DENND4A: variants seen among roughly 807,000 people sequenced by gnomAD.
DENND4A encodes DENN domain containing 4A, also known as C-myc promoter-binding protein.
DENND4A carries 70 observed loss-of-function variants against 199.3 expected under a neutral mutation model. The ratio of observed to expected loss-of-function variants is 0.35; its 90% CI spans 0.29 to 0.43. DENND4A has a LOEUF of 0.43. Among genes scored for constraint, DENND4A ranks in the 20% least tolerant of loss-of-function variants. The pLI is 1.00. For synonymous variants in DENND4A, 686 were observed against 766.9 expected (o/e 0.89, Z 1.74); for missense variants, 1,723 against 2,255.8 (o/e 0.76, Z 4.78).
intron 4 of DENND4A, among the ~76,000 whole-genome samples, chr15:65,745,899 C>G (rs904667073): frequency 6.6e-6 from 1 of 151,684 alleles, no homozygotes; most frequent in Non-Finnish European, 1.5e-5. Flanking sequence ...TTTGGAAGGC[C>G]GAGGTGGGCG....
At chr15:65,674,632 C>T (rs1368144478) in intron 24 of DENND4A, among the ~76,000 whole-genome samples, 1 of 151,686 alleles carries the variant, frequency 6.6e-6, no homozygotes. Context: ...GTAGTCCCAG[C>T]TACTTGGGAT....
chr15:65,719,876 C>A (rs1006647160), intron 12 of DENND4A, among the ~76,000 whole-genome samples: 1 of 151,946 alleles, frequency 6.6e-6, no homozygotes, highest in Non-Finnish European at 1.5e-5. Flanking sequence ...GCCTGGGTGA[C>A]ACAGTGAGAC....
chr15:65,679,188 A>G (rs1389808468), intron 23 of DENND4A, among the ~76,000 whole-genome samples: 6 of 151,522 alleles, frequency 4.0e-5, no homozygotes, highest in African/African-American at 1.5e-4. Context: ...TCCGCCCTCC[A>G]CTTCCCAGGT....
chr15:65,675,091 C>G (rs1480200318), intron 24 of DENND4A, among the ~76,000 whole-genome samples: 1 of 152,130 alleles, frequency 6.6e-6, no homozygotes, highest in Non-Finnish European at 1.5e-5. Flanking sequence ...ATTCTTCATA[C>G]CATTAACCAG....
Position 65,660,197 on chromosome 15 carries a change from G to T in DENND4A, c.*1654C>A. On this transcript the variant is annotated 3_prime_UTR_variant, in exon 33 of 33. Transcript: ENST00000443035. The stretch of plus-strand genomic sequence containing the variant: ...AAGGAGAGGCAGATATATGTGCCTA[G>T]CACCAGATTTTTCAAGTAAGCAAGT... The T allele has an allele frequency of 1.0e-6, 1 of 972,268 alleles. No homozygotes were observed. The allele number at this position is 972,268 out of a possible 1,614,324, so 60.2% of individuals were successfully genotyped here. A position where few individuals can be genotyped will look rare whatever the true frequency, so the allele number is the denominator to read the frequency against.
Position 65,662,596 on chromosome 15 carries a change from AG to A in DENND4A, c.5588-610del, listed in dbSNP as rs542761014. Among the ~76,000 whole-genome samples, 209 of 152,338 alleles carry A rather than the reference AG, an allele frequency of 1.4e-3. 1 individual carries two copies. The highest frequency in any genetic ancestry group is 6.8e-3 in the Middle Eastern group (2 of 294). Reference sequence around the variant, plus strand: ...AGAAGATAGTCCACATGTGACAAAAAGGGACAACAGAGGTTTACAAGCTTCT... The same window carrying A: ...AGAAGATAGTCCACATGTGACAAAAAGGACAACAGAGGTTTACAAGCTTCT... On this transcript the variant is annotated intron_variant, in intron 32 of 32. Transcript: ENST00000443035.
At chr15:65,711,246 A>AC (rs1567033105) in intron 14 of DENND4A, among the ~76,000 whole-genome samples, 1 of 152,222 alleles carries the variant, frequency 6.6e-6, no homozygotes, top group Non-Finnish European at 1.5e-5. Flanking sequence ...CCACTCCTAT[A>AC]AACCCAGCAC....
chr15:65,671,281 T>C (rs2076207464), intron 25 of DENND4A, among the ~76,000 whole-genome samples: 1 of 152,248 alleles, frequency 6.6e-6, no homozygotes, highest in African/African-American at 2.4e-5. Flanking sequence ...TAGAAATAAG[T>C]TAGTATGACT....
At chr15:65,714,423 A>C (rs75326061) in intron 14 of DENND4A, among the ~76,000 whole-genome samples, 52 of 39,518 alleles carry the variant, frequency 1.3e-3, no homozygotes, top group African/African-American at 7.3e-3. Context: ...AAAAAAAAAA[A>C]CAAAAAAAAA....
chr15:65,698,351 A>T (rs1181182864), intron 20 of DENND4A, among the ~76,000 whole-genome samples: 1 of 152,178 alleles, frequency 6.6e-6, no homozygotes, highest in East Asian at 1.9e-4. Context: ...ATTTTTAGAA[A>T]ATCGTTTTCA....
chr15:65,767,834 T>C (rs2077024965), intron 1 of DENND4A, among the ~76,000 whole-genome samples: 1 of 152,176 alleles, frequency 6.6e-6, no homozygotes, highest in Admixed American at 6.5e-5. Context: ...TTCAGGATGA[T>C]ATATTAGACA....
intron 23 of DENND4A, among the ~76,000 whole-genome samples, chr15:65,683,448 A>G (rs1394522911): frequency 6.6e-6 from 1 of 151,884 alleles, no homozygotes; most frequent in Non-Finnish European, 1.5e-5. Flanking sequence ...CTTTTTTTCT[A>G]GTTTCTTAAG....
chr15:65,701,198 C>T lies in DENND4A; in HGVS notation c.2560-6G>A. ...CAGGTACTTTCCAAAACAGCCTATTCATTCAACAAAATAAAATAATTAGTA... is the reference window on the plus strand; with the variant it reads ...CAGGTACTTTCCAAAACAGCCTATTTATTCAACAAAATAAAATAATTAGTA... On this transcript the variant is annotated splice_polypyrimidine_tract_variant and splice_region_variant and intron_variant, in intron 18 of 32. Coordinates refer to ENST00000443035, the MANE Select transcript of DENND4A (RefSeq NM_001320835.1). 6.4e-7 allele frequency: 1 copy of T among 1,554,770 alleles called. No individual in the cohort carries two copies.
chr15:65,686,994 T>C (rs548370029), intron 23 of DENND4A, among the ~76,000 whole-genome samples: 2 of 152,322 alleles, frequency 1.3e-5, no homozygotes, highest in South Asian at 4.1e-4. Context: ...TGAGCCACCA[T>C]GCCTAGCCAA....
At chr15:65,713,244 C>T (rs183681509) in intron 14 of DENND4A, among the ~76,000 whole-genome samples, 15 of 152,226 alleles carry the variant, frequency 9.9e-5, no homozygotes, top group Admixed American at 3.9e-4. Flanking sequence ...TCCATTTTTA[C>T]TTTATTTTCT....
At chr15:65,751,200 GTGAAGTGGCCA>G (rs1229335367) in intron 4 of DENND4A, among the ~76,000 whole-genome samples, 3 of 152,306 alleles carry the variant, frequency 2.0e-5, no homozygotes, top group Admixed American at 2.0e-4. Context: ...TAGAGGCGTT[GTGAAGTGGCCA>G]TGTTCGAGAT....
chr15:65,762,522 A>G (rs941035496), intron 1 of DENND4A, among the ~76,000 whole-genome samples: 12 of 151,988 alleles, frequency 7.9e-5, no homozygotes, highest in Non-Finnish European at 1.2e-4. Flanking sequence ...TCAGCTACTC[A>G]GGAGACTGAG....
intron 1 of DENND4A, among the ~76,000 whole-genome samples, chr15:65,785,074 C>T (rs943100119): frequency 1.3e-5 from 2 of 151,394 alleles, no homozygotes; most frequent in African/African-American, 2.4e-5. Flanking sequence ...GCGGAGGTTG[C>T]AGTGAGCCAC....
intron 15 of DENND4A, among the ~76,000 whole-genome samples, chr15:65,704,886 C>T (rs531570613): frequency 6.6e-6 from 1 of 152,306 alleles, no homozygotes; most frequent in South Asian, 2.1e-4. Flanking sequence ...GCCACCGCGT[C>T]TGGCCAAATT....
Sources: allele counts gnomAD v4.1 joint callset (sites outside exome capture counted in the v4.1 genomes callset), GRCh38; gene constraint gnomAD v4.1.1; transcripts MANE v1.5; gene names NCBI Gene and HGNC (gene_info 2026-07-23, HGNC 2026-07-21).